Variants in ROR1 observed in about 807,000 individuals in gnomAD.
ROR1 encodes the protein ROR family WNT receptor 1, also known as inactive tyrosine-protein kinase transmembrane receptor ROR1.
ROR1 carries 19 observed loss-of-function variants against 78.8 expected under a neutral mutation model. The ratio of observed to expected loss-of-function variants is 0.24; its 90% CI spans 0.17 to 0.35. ROR1 has a LOEUF of 0.35. Ranked by LOEUF, ROR1 falls within the 10% of genes least tolerant of loss-of-function variation. ROR1 has a pLI of 1.00. For synonymous variants in ROR1, 386 were observed against 433.6 expected (o/e 0.89, Z 1.36); for missense variants, 917 against 1,177.8 (o/e 0.78, Z 3.24).
At chr1:64,046,268 A>G (rs974333823) in intron 2 of ROR1, among the ~76,000 whole-genome samples, 10 of 152,218 alleles carry the variant, frequency 6.6e-5, no homozygotes, top group African/African-American at 2.4e-4. Flanking sequence ...TGGACTGGAC[A>G]CCTTTGCTGG....
At chr1:64,111,544 G>C (rs904987011) in intron 4 of ROR1, among the ~76,000 whole-genome samples, 1 of 152,186 alleles carries the variant, frequency 6.6e-6, no homozygotes, top group Admixed American at 6.5e-5. Context: ...CCAGCAAGCT[G>C]ACCACAGCTA....
chr1:63,949,577 C>T (rs138319030), intron 1 of ROR1, among the ~76,000 whole-genome samples: 2 of 152,144 alleles, frequency 1.3e-5, no homozygotes, highest in Non-Finnish European at 2.9e-5. Flanking sequence ...TTCCTTTTTA[C>T]GGGTGCTATT....
At chr1:63,875,794 A>G (rs1013234799) in intron 1 of ROR1, among the ~76,000 whole-genome samples, 3 of 152,234 alleles carry the variant, frequency 2.0e-5, no homozygotes, top group African/African-American at 7.2e-5. Context: ...TCTCCTCATT[A>G]ACTACTGTCT....
intron 1 of ROR1, among the ~76,000 whole-genome samples, chr1:63,887,627 C>T (rs1234442820): frequency 1.3e-5 from 2 of 152,136 alleles, no homozygotes; most frequent in Non-Finnish European, 2.9e-5. Context: ...AGTTTATACA[C>T]AGGGTAATTT....
intron 1 of ROR1, among the ~76,000 whole-genome samples, chr1:63,798,079 C>A (rs1644772456): frequency 6.6e-6 from 1 of 152,100 alleles, no homozygotes; most frequent in African/African-American, 2.4e-5. Context: ...GGCAGTAGGT[C>A]TCCTGATCAT....
chr1:64,089,954 A>T (rs1169190608), intron 4 of ROR1, among the ~76,000 whole-genome samples: 1 of 152,020 alleles, frequency 6.6e-6, no homozygotes, highest in Non-Finnish European at 1.5e-5. Context: ...TGAGGTTCTC[A>T]TTCCCTTTTG....
intron 1 of ROR1, among the ~76,000 whole-genome samples, chr1:63,967,815 G>A (rs928917354): frequency 1.3e-5 from 2 of 152,144 alleles, no homozygotes; most frequent in African/African-American, 2.4e-5. Context: ...AGTTCCTCCT[G>A]GCTCTGAAAC....
intron 1 of ROR1, among the ~76,000 whole-genome samples, chr1:63,936,432 C>T (rs906191997): frequency 6.6e-6 from 1 of 152,114 alleles, no homozygotes; most frequent in African/African-American, 2.4e-5. Flanking sequence ...GGAATAATGA[C>T]TGTTTTCTAA....
At chr1:64,119,886 C>T (rs1173277908) in intron 4 of ROR1, among the ~76,000 whole-genome samples, 1 of 152,158 alleles carries the variant, frequency 6.6e-6, no homozygotes, top group Non-Finnish European at 1.5e-5. Context: ...TATTTGATTC[C>T]AAAGCCCTTG....
intron 1 of ROR1, among the ~76,000 whole-genome samples, chr1:63,988,337 G>C (rs1361193940): frequency 6.6e-6 from 1 of 152,304 alleles, no homozygotes; most frequent in East Asian, 1.9e-4. Context: ...AGTCGGAAGA[G>C]ATCTCAGAAT....
At chr1:64,032,866 T>A (rs528302862) in intron 2 of ROR1, among the ~76,000 whole-genome samples, 21 of 152,290 alleles carry the variant, frequency 1.4e-4, no homozygotes, top group Non-Finnish European at 2.4e-4. Context: ...AGACTTTTTT[T>A]AAAAAACAAT....
chr1:64,058,545 T>C (rs984062803), intron 4 of ROR1, among the ~76,000 whole-genome samples: 1 of 151,964 alleles, frequency 6.6e-6, no homozygotes, highest in Non-Finnish European at 1.5e-5. Context: ...TATGAAAAGC[T>C]ATTGGATTTT....
intron 1 of ROR1, among the ~76,000 whole-genome samples, chr1:63,863,559 C>T (rs1645195514): frequency 6.6e-6 from 1 of 152,120 alleles, no homozygotes; most frequent in African/African-American, 2.4e-5. Flanking sequence ...TAATGCAAAG[C>T]TGTGTGCTTG....
intron 1 of ROR1, among the ~76,000 whole-genome samples, chr1:63,883,774 G>T (rs1223670268): frequency 6.6e-6 from 1 of 152,106 alleles, no homozygotes; most frequent in Non-Finnish European, 1.5e-5. Flanking sequence ...GCTTCATCTT[G>T]GTGTTGCTGA....
chr1:63,824,797 C>A (rs554090368), intron 1 of ROR1, among the ~76,000 whole-genome samples: 1 of 152,252 alleles, frequency 6.6e-6, no homozygotes, highest in South Asian at 2.1e-4. Context: ...AAAACGCTTT[C>A]CTATCCTTTG....
chr1:63,979,016 G>A (rs1646186245), intron 1 of ROR1, among the ~76,000 whole-genome samples: 1 of 152,200 alleles, frequency 6.6e-6, no homozygotes, highest in African/African-American at 2.4e-5. Context: ...TTGCGCTGGG[G>A]AGGTCAGCCT....
At chr1:64,065,000 A>G (rs901185677) in intron 4 of ROR1, among the ~76,000 whole-genome samples, 1 of 152,198 alleles carries the variant, frequency 6.6e-6, no homozygotes, top group Non-Finnish European at 1.5e-5. Context: ...GCCCTTTATC[A>G]TAACAAGCAC....
At chr1:64,067,314 T>A (rs925336197) in intron 4 of ROR1, among the ~76,000 whole-genome samples, 1 of 151,332 alleles carries the variant, frequency 6.6e-6, no homozygotes, top group Admixed American at 6.6e-5. Flanking sequence ...ACTACTGTAC[T>A]CCAGCCTGGG....
chr1:64,004,256 AT>A (rs1646410404), intron 1 of ROR1, among the ~76,000 whole-genome samples: 1 of 152,228 alleles, frequency 6.6e-6, no homozygotes, highest in Non-Finnish European at 1.5e-5. Context: ...TGTTTAAAAC[AT>A]TGGGGCATTT....
Sources: allele counts gnomAD v4.1 joint callset (sites outside exome capture counted in the v4.1 genomes callset), GRCh38; gene constraint gnomAD v4.1.1; transcripts MANE v1.5; gene names NCBI Gene and HGNC (gene_info 2026-07-23, HGNC 2026-07-21).